The following FBXW2 variants were observed in gnomAD, a reference collection of about 807,000 sequenced individuals.
The protein encoded by FBXW2 is F-box and WD repeat domain containing 2.
FBXW2 carries 12 observed loss-of-function variants against 46.0 expected under a neutral mutation model. That is an observed-to-expected ratio of 0.26 (90% CI 0.17 to 0.42). FBXW2 has a LOEUF of 0.42. Ranked by LOEUF, FBXW2 falls within the 10% of genes least tolerant of loss-of-function variation. The pLI is 1.00. For missense variants in FBXW2, 360 were observed against 537.0 expected, an observed-to-expected ratio of 0.67 and a Z score of 3.26; for synonymous variants, 203 against 209.6, an observed-to-expected ratio of 0.97 and a Z score of 0.27.
chr9:120,787,799 G>C lies in FBXW2; in HGVS notation c.460C>G (p.Leu154Val). Reference protein sequence around the residue: ...LIGHSARVYALYYKDGLLCTG... With the variant: ...LIGHSARVYAVYYKDGLLCTG... ...CAGAGAAGTCCATCTTTGTAGTAAA[G>C]TGCATACACTCTGGCACTGTGTCCA... is the stretch of plus-strand genomic sequence containing the variant. Residue 154 changes from leucine to valine, a missense_variant, in exon 3 of 8, where the codon CTT (leucine) becomes GTT (valine). Physicochemically the swap from Leu to Val is conservative, Grantham distance 32 (BLOSUM62 1). Coordinates refer to ENST00000608872, the MANE Select transcript of FBXW2 (RefSeq NM_012164.4). 6.2e-7 allele frequency: 1 copy of C among 1,614,030 alleles called. No individual in the cohort carries two copies. The highest frequency in any genetic ancestry group is 2.2e-5 in the East Asian group (1 of 44,886).
At chr9:120,791,235 A>T (rs2044833801) in intron 2 of FBXW2, among the ~76,000 whole-genome samples, 1 of 152,218 alleles carries the variant, frequency 6.6e-6, no homozygotes, top group Admixed American at 6.5e-5. Flanking sequence ...TGGGATTTCA[A>T]TTCAACATGA....
rs1392724687 is a variant in FBXW2 at position 120,762,292 on chromosome 9, A to G, written c.*2267T>C. On this transcript the variant is annotated 3_prime_UTR_variant, in exon 8 of 8. Transcript: ENST00000608872. ...GAGGCGGAGGTTGCAGTGAGCCAAG[A>G]TCGTGCCATTGCACTCCAGCCTGCG... 1 of 152,122 alleles carries G rather than the reference A, an allele frequency of 6.6e-6. No homozygotes were observed. Among genetic ancestry groups the G allele is most frequent in the African/African-American group, 2.4e-5 (1 of 41,412 alleles). The allele number at this position is 152,122 out of a possible 1,614,324, so 9.4% of individuals were successfully genotyped here.
At chr9:120,787,415 T>G (rs1250965769) in intron 3 of FBXW2, among the ~76,000 whole-genome samples, 1 of 152,212 alleles carries the variant, frequency 6.6e-6, no homozygotes, top group Non-Finnish European at 1.5e-5. Flanking sequence ...TACCAATTTT[T>G]CCACTGTTTT....
chr9:120,767,001 T>TA (rs1564449755), intron 7 of FBXW2, among the ~76,000 whole-genome samples: 1 of 152,186 alleles, frequency 6.6e-6, no homozygotes, highest in Admixed American at 6.5e-5. Context: ...GAGAACATGC[T>TA]CAGCACAAAC....
intron 4 of FBXW2, among the ~76,000 whole-genome samples, chr9:120,777,592 T>G (rs1200888660): frequency 2.0e-5 from 3 of 152,118 alleles, no homozygotes; most frequent in Non-Finnish European, 4.4e-5. Context: ...ACGTAATGCT[T>G]GACATTACAG....
At chr9:120,782,605 G>C (rs1213529166) in intron 3 of FBXW2, among the ~76,000 whole-genome samples, 1 of 152,194 alleles carries the variant, frequency 6.6e-6, no homozygotes, top group East Asian at 1.9e-4. Context: ...ACTTCAGGAA[G>C]CTGAGGCAAG....
intron 7 of FBXW2, among the ~76,000 whole-genome samples, chr9:120,769,978 C>A (rs1478587913): frequency 6.6e-6 from 1 of 152,136 alleles, no homozygotes; most frequent in Non-Finnish European, 1.5e-5. Flanking sequence ...TCCAGGAAGA[C>A]ATAAATGGGG....
chr9:120,789,144 T>TAG (rs1468013883), intron 2 of FBXW2, among the ~76,000 whole-genome samples: 1 of 152,166 alleles, frequency 6.6e-6, no homozygotes, highest in Non-Finnish European at 1.5e-5. Flanking sequence ...AACTACAGGT[T>TAG]AGAGAAGGTA....
intron 2 of FBXW2, 149 bp from the exon 3 acceptor site, chr9:120,788,427 A>C: frequency 1.5e-6 from 1 of 681,272 alleles, no homozygotes; most frequent in Non-Finnish European, 2.5e-6. Context: ...TTAATACACC[A>C]TATTTATCTG....
chr9:120,771,529 A>C lies in FBXW2; in HGVS notation c.907-12T>G. ...CCAATTGGCCAAATCTACAGAAAAAAGAAAATGAGGAAAGATGAGAGATCA... is the reference window on the plus strand; with the variant it reads ...CCAATTGGCCAAATCTACAGAAAAACGAAAATGAGGAAAGATGAGAGATCA... On this transcript the variant is annotated splice_polypyrimidine_tract_variant and intron_variant, in intron 6 of 7. Transcript: ENST00000608872. 1 of 1,605,536 alleles carries C rather than the reference A, an allele frequency of 6.2e-7. No homozygotes were observed.
intron 3 of FBXW2, among the ~76,000 whole-genome samples, chr9:120,783,851 T>C (rs2044665893): frequency 6.6e-6 from 1 of 152,222 alleles, no homozygotes; most frequent in Admixed American, 6.5e-5. Flanking sequence ...TCAATGTCAT[T>C]AGCCATTAAT....
At chr9:120,770,403 A>T (rs568885581) in intron 7 of FBXW2, among the ~76,000 whole-genome samples, 55 of 151,718 alleles carry the variant, frequency 3.6e-4, no homozygotes, top group African/African-American at 1.3e-3. Context: ...CAATGAAGAG[A>T]ATGTTCAATT....
At chr9:120,767,751 G>A (rs1489661011) in intron 7 of FBXW2, among the ~76,000 whole-genome samples, 2 of 152,128 alleles carry the variant, frequency 1.3e-5, no homozygotes, top group Admixed American at 1.3e-4. Context: ...ATTCACCCAG[G>A]TGCTCAAGCT....
chr9:120,773,956 CGAG>C (rs980475214), intron 5 of FBXW2, among the ~76,000 whole-genome samples: 8 of 152,124 alleles, frequency 5.3e-5, no homozygotes, highest in African/African-American at 1.4e-4. Flanking sequence ...TTTGAGAGGC[CGAG>C]GAGGGAGGAC....
chr9:120,777,813 G>A (rs370804444), intron 4 of FBXW2, among the ~76,000 whole-genome samples: 10 of 146,516 alleles, frequency 6.8e-5, no homozygotes, highest in African/African-American at 2.5e-4. Flanking sequence ...ACATTTATTA[G>A]GAAACATTCA....
intron 5 of FBXW2, among the ~76,000 whole-genome samples, chr9:120,773,957 G>T (rs144276347): frequency 1.3e-5 from 2 of 152,164 alleles, no homozygotes; most frequent in African/African-American, 4.8e-5. Context: ...TTGAGAGGCC[G>T]AGGAGGGAGG....
chr9:120,774,644 CT>C (rs2044454590), intron 5 of FBXW2, among the ~76,000 whole-genome samples: 1 of 152,194 alleles, frequency 6.6e-6, no homozygotes, highest in African/African-American at 2.4e-5. Context: ...TTATGGGCAT[CT>C]TTTGCTTAGA....
At chr9:120,774,372 T>C (rs1227574449) in intron 5 of FBXW2, among the ~76,000 whole-genome samples, 2 of 147,500 alleles carry the variant, frequency 1.4e-5, no homozygotes, top group African/African-American at 5.0e-5. Flanking sequence ...ATTAGCTCAG[T>C]GTGGTGGCAC....
Position 120,762,718 on chromosome 9 carries a change from C to T in FBXW2, c.*1841G>A, listed in dbSNP as rs965722182. The stretch of plus-strand genomic sequence containing the variant: ...CATCATTCTCAGCTCTGCCAGCAAC[C>T]CTTTTTCTCACCTGTAAAATGGATA... On this transcript the variant is annotated 3_prime_UTR_variant, in exon 8 of 8. Transcript: ENST00000608872. 6.6e-6 allele frequency: 1 copy of T among 152,244 alleles called. No homozygotes were observed. Among genetic ancestry groups the T allele is most frequent in the South Asian group, 2.1e-4 (1 of 4,824 alleles). 9.4% of individuals were successfully genotyped at this position (152,244 alleles called of 1,614,324 possible).
Sources: gnomAD v4.1 joint callset for allele counts (sites outside exome capture counted in the v4.1 genomes callset) on GRCh38, gnomAD v4.1.1 for gene constraint, MANE v1.5 for transcripts, NCBI Gene and HGNC (gene_info 2026-07-23, HGNC 2026-07-21) for gene names.